The following CDIN1 variants were observed in gnomAD, a reference collection of about 807,000 sequenced individuals.
The protein encoded by CDIN1 is CDAN1-interacting nuclease 1.
A neutral mutation model predicts 45.3 loss-of-function variants in CDIN1; 33 were observed. That is an observed-to-expected ratio of 0.73 (90% CI 0.55 to 0.97). The LOEUF (loss-of-function observed/expected upper bound fraction) is 0.97. Among genes scored for constraint, CDIN1 ranks in the 50% least tolerant of loss-of-function variants. The pLI, the probability that CDIN1 is intolerant of heterozygous loss-of-function variation, is 0.00. For missense variants in CDIN1, 303 were observed against 339.4 expected, an observed-to-expected ratio of 0.89 and a Z score of 0.84; for synonymous variants, 118 against 124.4, an observed-to-expected ratio of 0.95 and a Z score of 0.34.
At chr15:36,588,262 T>C (rs2037398673) in intron 1 of CDIN1, among the ~76,000 whole-genome samples, 1 of 41,458 alleles carries the variant, frequency 2.4e-5, no homozygotes, top group Non-Finnish European at 5.1e-5. Flanking sequence ...CTAAATTCAC[T>C]GATTTTTAAG....
chr15:36,610,378 T>A (rs1022295893), intron 1 of CDIN1, among the ~76,000 whole-genome samples: 40 of 152,230 alleles, frequency 2.6e-4, no homozygotes, highest in Non-Finnish European at 4.4e-5. Context: ...ATAAATCTTT[T>A]CAGTTGTGTA....
At chr15:36,629,619 A>C (rs1457877946) in intron 1 of CDIN1, among the ~76,000 whole-genome samples, 1 of 152,176 alleles carries the variant, frequency 6.6e-6, no homozygotes, top group Non-Finnish European at 1.5e-5. Flanking sequence ...CTAACGTCTC[A>C]TGTTATATTC....
At chr15:36,793,418 C>T (rs1018928535) in intron 10 of CDIN1, among the ~76,000 whole-genome samples, 1 of 152,118 alleles carries the variant, frequency 6.6e-6, no homozygotes, top group Non-Finnish European at 1.5e-5. Context: ...GCTGTCAGTC[C>T]CTCCCGTGTT....
intron 10 of CDIN1, among the ~76,000 whole-genome samples, chr15:36,717,405 G>A (rs2043252480): frequency 6.6e-6 from 1 of 152,014 alleles, no homozygotes; most frequent in African/African-American, 2.4e-5. Flanking sequence ...ACTATTTTAT[G>A]TAAATAGAAC....
In CDIN1 at chr15:36,785,596, G is replaced by A. The variant is rs115570764; in HGVS notation, c.717-22728G>A. Among the ~76,000 whole-genome samples, 308 of 152,298 alleles carry A rather than the reference G, an allele frequency of 2.0e-3. 1 individual carries two copies. Among genetic ancestry groups the A allele is most frequent in the African/African-American group, 6.8e-3 (281 of 41,560 alleles). Reference sequence around the variant, plus strand: ...AGAGCCACTGATCAGTGCCTGAGCGGCTGATTGGACTTGGGACTTTTCTAC... The same window carrying A: ...AGAGCCACTGATCAGTGCCTGAGCGACTGATTGGACTTGGGACTTTTCTAC... On this transcript the variant is annotated intron_variant, in intron 10 of 10. Transcript: ENST00000566621.
At chr15:36,697,670 C>G (rs1195043984) in intron 8 of CDIN1, among the ~76,000 whole-genome samples, 4 of 152,078 alleles carry the variant, frequency 2.6e-5, no homozygotes, top group African/African-American at 9.7e-5. Flanking sequence ...TAACCATAAT[C>G]TAGCCCTTAT....
At chr15:36,730,533 C>T (rs969861918) in intron 10 of CDIN1, among the ~76,000 whole-genome samples, 6 of 151,894 alleles carry the variant, frequency 4.0e-5, no homozygotes, top group South Asian at 4.2e-4. Flanking sequence ...CTGAATTGAC[C>T]GGTGAATTAA....
At chr15:36,628,402 C>G (rs2039540412) in intron 1 of CDIN1, among the ~76,000 whole-genome samples, 1 of 152,058 alleles carries the variant, frequency 6.6e-6, no homozygotes, top group Non-Finnish European at 1.5e-5. Context: ...GAGTAGTATT[C>G]CTTTATATGG....
At chr15:36,626,904 T>C in intron 1 of CDIN1, 1 of 206,042 alleles carries the variant, frequency 4.9e-6, no homozygotes, top group East Asian at 1.4e-4. Flanking sequence ...TCCCCAGGGA[T>C]GTGGTGAGTC....
At chr15:36,723,541 A>AT (rs1428694561) in intron 10 of CDIN1, among the ~76,000 whole-genome samples, 3 of 152,112 alleles carry the variant, frequency 2.0e-5, no homozygotes, top group African/African-American at 4.8e-5. Flanking sequence ...AATGTGAAGT[A>AT]TTTTTTACTA....
chr15:36,754,656 A>T (rs2053561702), intron 10 of CDIN1, among the ~76,000 whole-genome samples: 1 of 151,930 alleles, frequency 6.6e-6, no homozygotes, highest in Non-Finnish European at 1.5e-5. Flanking sequence ...TCAAAGTTTA[A>T]GTGCTGTGTT....
chr15:36,707,990 C>T (rs1366926673), intron 8 of CDIN1: 1 of 152,082 alleles, frequency 6.6e-6, no homozygotes, highest in Non-Finnish European at 1.5e-5. Context: ...ATCTAGACAG[C>T]TTAAGGATAT....
intron 10 of CDIN1, among the ~76,000 whole-genome samples, chr15:36,762,325 C>T (rs1399495041): frequency 1.3e-5 from 2 of 152,096 alleles, no homozygotes. Flanking sequence ...GGGCAGTGAG[C>T]TTTTTTGGTC....
intron 5 of CDIN1, among the ~76,000 whole-genome samples, chr15:36,674,094 G>A (rs2041553208): frequency 1.3e-5 from 2 of 152,060 alleles, no homozygotes; most frequent in African/African-American, 2.4e-5. Context: ...GTGAGAATAC[G>A]CTGTCTAATA....
intron 10 of CDIN1, among the ~76,000 whole-genome samples, chr15:36,798,252 T>C (rs2054886058): frequency 6.6e-6 from 1 of 152,212 alleles, no homozygotes; most frequent in Admixed American, 6.5e-5. Context: ...AGGTTATCCA[T>C]AATTTTTGAA....
chr15:36,712,942 C>G (rs945907530), intron 10 of CDIN1, among the ~76,000 whole-genome samples: 12 of 152,220 alleles, frequency 7.9e-5, no homozygotes, highest in South Asian at 2.1e-4. Context: ...AAATACATTT[C>G]CTTATGAAAT....
intron 5 of CDIN1, among the ~76,000 whole-genome samples, chr15:36,670,106 C>A (rs1488512795): frequency 1.3e-5 from 2 of 151,980 alleles, no homozygotes; most frequent in Non-Finnish European, 2.9e-5. Context: ...GTTTATTTAT[C>A]ATTTTTATAT....
At chr15:36,590,660 G>A (rs1435212668) in intron 1 of CDIN1, among the ~76,000 whole-genome samples, 2 of 152,118 alleles carry the variant, frequency 1.3e-5, no homozygotes, top group African/African-American at 4.8e-5. Flanking sequence ...ATTATTTTCA[G>A]TCACTGTTAG....
chr15:36,670,640 G>T (rs965141671), intron 5 of CDIN1, among the ~76,000 whole-genome samples: 2 of 152,024 alleles, frequency 1.3e-5, no homozygotes, highest in African/African-American at 4.8e-5. Context: ...CAAAAATGCT[G>T]GATGATCAGT....
Sources: allele counts gnomAD v4.1 joint callset (sites outside exome capture counted in the v4.1 genomes callset), GRCh38; gene constraint gnomAD v4.1.1; transcripts MANE v1.5; gene names NCBI Gene and HGNC (gene_info 2026-07-23, HGNC 2026-07-21).